The following PCDH15 variants were observed in gnomAD, a reference collection of about 807,000 sequenced individuals.
PCDH15 encodes the protein protocadherin-15.
Under a neutral mutation model 178.5 loss-of-function variants are expected in PCDH15, and 129 were observed. The observed-to-expected ratio is 0.72, with a 90% CI of 0.63 to 0.84. PCDH15 has a LOEUF of 0.84. Ranked by LOEUF, PCDH15 falls within the 40% of genes least tolerant of loss-of-function variation. PCDH15 has a pLI of 0.00. For missense variants in PCDH15, 2,230 were observed against 2,099.9 expected, an observed-to-expected ratio of 1.06 and a Z score of -1.21; for synonymous variants, 800 against 732.0, an observed-to-expected ratio of 1.09 and a Z score of -1.50.
At chr10:54,277,985 A>T (rs2058445115) in intron 8 of PCDH15, among the ~76,000 whole-genome samples, 1 of 151,642 alleles carries the variant, frequency 6.6e-6, no homozygotes, top group South Asian at 2.1e-4. Context: ...AGAGATATCA[A>T]ATAGATAGTT....
chr10:54,895,162 G>T (rs1171649594), intron 3 of PCDH15, among the ~76,000 whole-genome samples: 1 of 152,130 alleles, frequency 6.6e-6, no homozygotes, highest in Non-Finnish European at 1.5e-5. Flanking sequence ...ATTTTACCCT[G>T]TTAAGAGTAG....
At chr10:55,070,545 C>T (rs1377892708) in intron 2 of PCDH15, among the ~76,000 whole-genome samples, 1 of 152,120 alleles carries the variant, frequency 6.6e-6, no homozygotes, top group Non-Finnish European at 1.5e-5. Flanking sequence ...AATCCTTTCC[C>T]CATTGCTTGT....
intron 1 of PCDH15, among the ~76,000 whole-genome samples, chr10:54,750,470 G>T (rs888105028): frequency 1.3e-5 from 2 of 151,966 alleles, no homozygotes; most frequent in African/African-American, 4.8e-5. Flanking sequence ...GTAAAGAATC[G>T]ATTACTACTG....
At chr10:54,430,821 A>C (rs1956879833) in intron 3 of PCDH15, among the ~76,000 whole-genome samples, 1 of 152,094 alleles carries the variant, frequency 6.6e-6, no homozygotes, top group Admixed American at 6.5e-5. Flanking sequence ...TAATGAAATA[A>C]AAAGTTTGTT....
chr10:54,850,654 C>A (rs1953602751), intron 3 of PCDH15, among the ~76,000 whole-genome samples: 1 of 152,092 alleles, frequency 6.6e-6, no homozygotes, highest in Non-Finnish European at 1.5e-5. Flanking sequence ...CTGCTATATT[C>A]ATTATGAATA....
At chr10:54,038,402 A>G (rs2093467145) in intron 18 of PCDH15, among the ~76,000 whole-genome samples, 1 of 151,888 alleles carries the variant, frequency 6.6e-6, no homozygotes. Context: ...GGGGGTCAAC[A>G]TTTTTGGAGG....
At chr10:55,520,646 G>A (rs1028073751) in intron 2 of PCDH15, among the ~76,000 whole-genome samples, 1 of 150,956 alleles carries the variant, frequency 6.6e-6, no homozygotes, top group Non-Finnish European at 1.5e-5. Flanking sequence ...ATAGTATAAT[G>A]TTAACTTGCC....
intron 2 of PCDH15, among the ~76,000 whole-genome samples, chr10:55,490,345 C>T (rs543378195): frequency 6.6e-6 from 1 of 151,864 alleles, no homozygotes; most frequent in African/African-American, 2.4e-5. Context: ...GCTTCAGACA[C>T]ACAGCCATGA....
chr10:54,421,882 A>G (rs1589320535), intron 3 of PCDH15, among the ~76,000 whole-genome samples: 1 of 63,130 alleles, frequency 1.6e-5, no homozygotes, highest in Non-Finnish European at 3.1e-5. Flanking sequence ...ATATATATAT[A>G]TACACACACA....
intron 2 of PCDH15, among the ~76,000 whole-genome samples, chr10:54,548,094 C>T (rs149932104): frequency 0.015 from 2,016 of 139,030 alleles, 40 homozygotes; most frequent in African/African-American, 0.05. Context: ...GAGCGAGACT[C>T]TGTCTCAAAA....
At chr10:54,032,040 T>C (rs2093309464) in intron 18 of PCDH15, among the ~76,000 whole-genome samples, 1 of 151,882 alleles carries the variant, frequency 6.6e-6, no homozygotes, top group African/African-American at 2.4e-5. Flanking sequence ...AAAAATTATA[T>C]ATTAAATTAT....
intron 2 of PCDH15, among the ~76,000 whole-genome samples, chr10:54,986,830 T>C (rs1468779712): frequency 6.6e-6 from 1 of 152,192 alleles, no homozygotes; most frequent in Non-Finnish European, 1.5e-5. Context: ...GAAATTTACA[T>C]AGTAAAACTT....
intron 2 of PCDH15, among the ~76,000 whole-genome samples, chr10:55,369,914 A>G (rs1384226420): frequency 6.6e-6 from 1 of 152,098 alleles, no homozygotes. Flanking sequence ...GAACTGGTCT[A>G]TCTTTGGCTA....
intron 10 of PCDH15, among the ~76,000 whole-genome samples, chr10:54,199,010 G>A (rs1266097222): frequency 1.3e-5 from 2 of 152,112 alleles, no homozygotes; most frequent in Admixed American, 6.6e-5. Flanking sequence ...GTAAAAATAT[G>A]TATTATTTGC....
At chr10:54,011,041 G>T (rs1187434400) in intron 20 of PCDH15, among the ~76,000 whole-genome samples, 1 of 152,074 alleles carries the variant, frequency 6.6e-6, no homozygotes, top group Non-Finnish European at 1.5e-5. Context: ...ATAGAGAGAA[G>T]CCCAGACTGT....
At chr10:54,172,894 A>G (rs2047057548) in intron 13 of PCDH15, among the ~76,000 whole-genome samples, 1 of 152,222 alleles carries the variant, frequency 6.6e-6, no homozygotes, top group South Asian at 2.1e-4. Flanking sequence ...AACATGATAC[A>G]GAAATATAAA....
intron 2 of PCDH15, among the ~76,000 whole-genome samples, chr10:54,985,273 T>G (rs1839334056): frequency 6.6e-6 from 1 of 152,152 alleles, no homozygotes; most frequent in African/African-American, 2.4e-5. Context: ...AAAAGAGATA[T>G]GGACTCTCAA....
chr10:54,801,209 C>T lies in PCDH15; in HGVS notation c.-313G>A, dbSNP rs1347906781. 3 of 152,170 alleles carry T rather than the reference C, an allele frequency of 2.0e-5. No individual in the cohort carries two copies. Among genetic ancestry groups the T allele is most frequent in the Non-Finnish European group, 4.4e-5 (3 of 68,030 alleles). The allele number at this position is 152,170 out of a possible 1,614,324, so 9.4% of individuals were successfully genotyped here. A position where few individuals can be genotyped will look rare whatever the true frequency, so the allele number is the denominator to read the frequency against. ...ACGTTCTGAGATGTATGCCACCTGCCTTAGTTACCACAAGCAACTAACACT... is the reference window on the plus strand; with the variant it reads ...ACGTTCTGAGATGTATGCCACCTGCTTTAGTTACCACAAGCAACTAACACT... On this transcript the variant is annotated 5_prime_UTR_variant, in exon 1 of 38. Transcript: ENST00000644397.
At chr10:54,779,819 G>C (rs961645943) in intron 1 of PCDH15, among the ~76,000 whole-genome samples, 1 of 151,786 alleles carries the variant, frequency 6.6e-6, no homozygotes, top group African/African-American at 2.4e-5. Flanking sequence ...GACCCCTGAG[G>C]CTTTACTGCA....
Sources: allele counts gnomAD v4.1 joint callset (sites outside exome capture counted in the v4.1 genomes callset), GRCh38; gene constraint gnomAD v4.1.1; transcripts MANE v1.5; gene names NCBI Gene and HGNC (gene_info 2026-07-23, HGNC 2026-07-21).